Variants in CAMK1D observed in about 807,000 individuals in gnomAD.
CAMK1D encodes the protein calcium/calmodulin dependent protein kinase ID, also known as calcium/calmodulin-dependent protein kinase type 1D.
In CAMK1D, 9 loss-of-function variants were observed where a neutral mutation model predicts 47.7. The observed-to-expected ratio is 0.19, with a 90% CI of 0.11 to 0.33. CAMK1D has a LOEUF of 0.33. Ranked by LOEUF, CAMK1D falls within the 10% of genes least tolerant of loss-of-function variation. CAMK1D has a pLI of 1.00. For missense variants in CAMK1D, 291 were observed against 488.7 expected, an observed-to-expected ratio of 0.60 and a Z score of 3.81; for synonymous variants, 184 against 184.9, an observed-to-expected ratio of 0.99 and a Z score of 0.04.
chr10:12,686,871 A>G (rs564271336), intron 3 of CAMK1D, among the ~76,000 whole-genome samples: 1 of 152,182 alleles, frequency 6.6e-6, no homozygotes, highest in Non-Finnish European at 1.5e-5. Flanking sequence ...AGGCTTAATT[A>G]TAAAAATCAC....
chr10:12,780,037 A>G (rs1222256847), intron 5 of CAMK1D, among the ~76,000 whole-genome samples: 1 of 152,156 alleles, frequency 6.6e-6, no homozygotes, highest in East Asian at 1.9e-4. Context: ...TAACTTGCCT[A>G]AAATAGTTTA....
intron 1 of CAMK1D, among the ~76,000 whole-genome samples, chr10:12,470,619 C>T (rs1166181131): frequency 2.6e-5 from 4 of 151,908 alleles, no homozygotes; most frequent in South Asian, 2.1e-4. Flanking sequence ...TGGGTTCAAG[C>T]GAGTCTGCTG....
intron 2 of CAMK1D, among the ~76,000 whole-genome samples, chr10:12,572,434 G>A (rs372300916): frequency 5.3e-5 from 8 of 152,126 alleles, no homozygotes; most frequent in Non-Finnish European, 1.2e-4. Flanking sequence ...AGGCCAAGGG[G>A]TAACCATTGA....
chr10:12,788,452 C>T (rs1327999669), intron 5 of CAMK1D, among the ~76,000 whole-genome samples: 1 of 152,214 alleles, frequency 6.6e-6, no homozygotes, highest in Non-Finnish European at 1.5e-5. Context: ...CCTCCACCCC[C>T]TAACTTAGCT....
rs60172680 is a variant in CAMK1D at position 12,712,805 on chromosome 10, A to G, written c.299+45995A>G. 7.1e-3 allele frequency among the ~76,000 whole-genome samples: 1,077 copies of G among 152,184 alleles called. 19 individuals are homozygous for G. The highest frequency in any genetic ancestry group is 0.025 in the African/African-American group (1,023 of 41,512). On this transcript the variant is annotated intron_variant, in intron 3 of 10. Coordinates refer to ENST00000619168, the MANE Select transcript of CAMK1D (RefSeq NM_153498.4). Reference sequence around the variant, plus strand: ...GCTGTAGGATTATCAGGCTCAGAGAATTAGACTCTATTATCTCCCCCGCCT... The same window carrying G: ...GCTGTAGGATTATCAGGCTCAGAGAGTTAGACTCTATTATCTCCCCCGCCT...
chr10:12,375,335 A>G (rs995869760), intron 1 of CAMK1D, among the ~76,000 whole-genome samples: 3 of 152,172 alleles, frequency 2.0e-5, no homozygotes, highest in Non-Finnish European at 4.4e-5. Context: ...GTCCTTGAGA[A>G]CGTTCCCCCA....
intron 2 of CAMK1D, among the ~76,000 whole-genome samples, chr10:12,661,679 T>C (rs1037156254): frequency 6.6e-6 from 1 of 152,222 alleles, no homozygotes; most frequent in East Asian, 1.9e-4. Flanking sequence ...ATTGCACTTA[T>C]CACAGAAGAG....
intron 6 of CAMK1D, among the ~76,000 whole-genome samples, chr10:12,801,251 A>G (rs867277582): frequency 1.1e-4 from 16 of 139,728 alleles, no homozygotes; most frequent in African/African-American, 4.9e-4. Context: ...CCATCCATCC[A>G]TCCATCCATC....
At chr10:12,797,091 A>G (rs957954580) in intron 6 of CAMK1D, among the ~76,000 whole-genome samples, 1 of 152,138 alleles carries the variant, frequency 6.6e-6, no homozygotes, top group Non-Finnish European at 1.5e-5. Context: ...GTGGCCTTAG[A>G]TATATTCACG....
At chr10:12,675,986 C>A (rs754522072) in intron 3 of CAMK1D, among the ~76,000 whole-genome samples, 1 of 152,072 alleles carries the variant, frequency 6.6e-6, no homozygotes, top group Non-Finnish European at 1.5e-5. Context: ...GAGTTTTGCT[C>A]TTGTTGCCCA....
intron 1 of CAMK1D, among the ~76,000 whole-genome samples, chr10:12,450,682 C>G (rs1833057632): frequency 6.6e-6 from 1 of 152,198 alleles, no homozygotes; most frequent in Non-Finnish European, 1.5e-5. Context: ...CTTGTATTTT[C>G]TAGTCTCCAT....
chr10:12,454,122 A>T (rs910379589), intron 1 of CAMK1D, among the ~76,000 whole-genome samples: 2 of 152,184 alleles, frequency 1.3e-5, no homozygotes, highest in African/African-American at 2.4e-5. Flanking sequence ...TTACTATATT[A>T]TGTGGACAGC....
chr10:12,772,843 G>C (rs1325713002), intron 5 of CAMK1D, among the ~76,000 whole-genome samples: 2 of 152,192 alleles, frequency 1.3e-5, no homozygotes, highest in Non-Finnish European at 2.9e-5. Context: ...CCTCTGGAGT[G>C]AGTCGTGTGG....
In CAMK1D at chr10:12,624,353, T is replaced by C. The variant is rs971689410; in HGVS notation, c.225-42383T>C. On this transcript the variant is annotated intron_variant, in intron 2 of 10. Coordinates refer to ENST00000619168, the MANE Select transcript of CAMK1D (RefSeq NM_153498.4). ...TTGTAAGGCCGATCTCTAGAACTTA[T>C]TCATCTCGCGCAACTAAAACTTTAT... Among the ~76,000 whole-genome samples the C allele has an allele frequency of 4.6e-5, 7 of 152,300 alleles. 1 individual carries two copies. Among genetic ancestry groups the C allele is most frequent in the African/African-American group, 1.4e-4 (6 of 41,564 alleles).
chr10:12,645,775 C>A (rs746474011), intron 2 of CAMK1D, among the ~76,000 whole-genome samples: 7 of 152,176 alleles, frequency 4.6e-5, no homozygotes, highest in Non-Finnish European at 7.3e-5. Context: ...TGGGCGCCGC[C>A]ATCATGTCTG....
At chr10:12,630,698 C>A (rs939175857) in intron 2 of CAMK1D, among the ~76,000 whole-genome samples, 10 of 152,056 alleles carry the variant, frequency 6.6e-5, no homozygotes, top group Admixed American at 6.6e-5. Flanking sequence ...TGCTGGGATT[C>A]GAGGCGTGAG....
chr10:12,563,748 A>G (rs1375022198), intron 2 of CAMK1D, among the ~76,000 whole-genome samples: 1 of 151,172 alleles, frequency 6.6e-6, no homozygotes, highest in Non-Finnish European at 1.5e-5. Context: ...GCAACAGAGT[A>G]TACTTAAATC....
intron 2 of CAMK1D, among the ~76,000 whole-genome samples, chr10:12,628,869 A>T (rs1588708591): frequency 6.6e-6 from 1 of 152,292 alleles, no homozygotes; most frequent in South Asian, 2.1e-4. Context: ...AGGTCATATA[A>T]TGGGAATCAT....
intron 3 of CAMK1D, among the ~76,000 whole-genome samples, chr10:12,712,194 C>T (rs975389136): frequency 2.0e-5 from 3 of 152,180 alleles, no homozygotes; most frequent in Admixed American, 6.5e-5. Context: ...GGAAGCTCCG[C>T]TCTCCTTCAA....
Sources: allele counts gnomAD v4.1 joint callset (sites outside exome capture counted in the v4.1 genomes callset), GRCh38; gene constraint gnomAD v4.1.1; transcripts MANE v1.5; gene names NCBI Gene and HGNC (gene_info 2026-07-23, HGNC 2026-07-21).